The following ZFHX3 variants were observed in gnomAD, a reference collection of about 807,000 sequenced individuals.
The protein encoded by ZFHX3 is zinc finger homeobox protein 3.
Under a neutral mutation model 279.1 loss-of-function variants are expected in ZFHX3, and 42 were observed. That is an observed-to-expected ratio of 0.15 (90% CI 0.12 to 0.19). The LOEUF is 0.19. Ranked by LOEUF, ZFHX3 falls within the 10% of genes least tolerant of loss-of-function variation. The pLI is 1.00. For missense variants in ZFHX3, 4,981 were observed against 4,754.0 expected (o/e 1.05, Z -1.40); for synonymous variants, 2,293 against 1,957.8 (o/e 1.17, Z -4.52).
chr16:73,345,010 T>A (rs2016098420), intron 3 of ZFHX3, among the ~76,000 whole-genome samples: 2 of 152,156 alleles, frequency 1.3e-5, no homozygotes, highest in Non-Finnish European at 2.9e-5. Flanking sequence ...CTGCACCAAC[T>A]TGCCCTGTAT....
chr16:73,752,429 G>A (rs1483254749), intron 1 of ZFHX3, among the ~76,000 whole-genome samples: 3 of 152,102 alleles, frequency 2.0e-5, no homozygotes, highest in African/African-American at 7.2e-5. Context: ...TTCAGACATG[G>A]CTGCACTGAG....
chr16:73,112,395 A>G (rs1340668489), intron 7 of ZFHX3, among the ~76,000 whole-genome samples: 1 of 151,954 alleles, frequency 6.6e-6, no homozygotes, highest in Non-Finnish European at 1.5e-5. Context: ...GATGACAACA[A>G]AGCCAGGCAG....
intron 3 of ZFHX3, among the ~76,000 whole-genome samples, chr16:73,431,196 T>TA (rs888412620): frequency 1.3e-5 from 2 of 152,010 alleles, no homozygotes; most frequent in Non-Finnish European, 2.9e-5. Context: ...GGGATACTCT[T>TA]AAAAATAAAG....
intron 3 of ZFHX3, among the ~76,000 whole-genome samples, chr16:72,920,068 C>T (rs1054449720): frequency 6.6e-6 from 1 of 151,882 alleles, no homozygotes; most frequent in African/African-American, 2.4e-5. Flanking sequence ...GCTGGGATTA[C>T]AGGCATGAGC....
chr16:73,774,849 G>A (rs979401198), intron 1 of ZFHX3, among the ~76,000 whole-genome samples: 3 of 152,118 alleles, frequency 2.0e-5, no homozygotes, highest in African/African-American at 4.8e-5. Flanking sequence ...GACTTATTTC[G>A]AGACCTGAAC....
In ZFHX3 at chr16:72,793,010, T is replaced by C. The variant is rs1409815424; in HGVS notation, c.9427+245A>G. Among the ~76,000 whole-genome samples, 1 of 152,242 alleles carries C rather than the reference T, an allele frequency of 6.6e-6. No homozygotes were observed. The highest frequency in any genetic ancestry group is 2.1e-4 in the South Asian group (1 of 4,832). On this transcript the variant is annotated intron_variant, in intron 9 of 9. Coordinates refer to ENST00000268489, the MANE Select transcript of ZFHX3 (RefSeq NM_006885.4). The surrounding 1 kb of genome is among the most constrained non-coding windows in gnomAD (Gnocchi z 4.3). ...ATTAGTATGCCAGGACCCTCAAGTT[T>C]TTCCCTATTATAGGGGATAAGAGTG...
chr16:73,258,401 G>A (rs932077131), intron 4 of ZFHX3, among the ~76,000 whole-genome samples: 2 of 151,460 alleles, frequency 1.3e-5, no homozygotes, highest in Admixed American at 6.6e-5. Context: ...CCAGGTTGGA[G>A]TGCAGTGGTG....
intron 5 of ZFHX3, among the ~76,000 whole-genome samples, chr16:73,233,599 C>T (rs925684314): frequency 6.6e-6 from 1 of 152,202 alleles, no homozygotes; most frequent in African/African-American, 2.4e-5. Context: ...TTTGGACAGC[C>T]ATGGGGGTGC....
intron 5 of ZFHX3, among the ~76,000 whole-genome samples, chr16:73,236,417 G>A (rs2012951092): frequency 6.6e-6 from 1 of 152,178 alleles, no homozygotes; most frequent in East Asian, 1.9e-4. Flanking sequence ...GGCCAACACA[G>A]AGAAACCCCA....
chr16:73,886,167 A>G (rs2030338571), intron 1 of ZFHX3, among the ~76,000 whole-genome samples: 1 of 152,236 alleles, frequency 6.6e-6, no homozygotes, highest in Admixed American at 6.5e-5. Flanking sequence ...GAAGTTACAG[A>G]TTGAAACCTA....
chr16:73,186,144 A>G (rs1006095896), intron 5 of ZFHX3, among the ~76,000 whole-genome samples: 17 of 152,126 alleles, frequency 1.1e-4, no homozygotes, highest in African/African-American at 3.9e-4. Flanking sequence ...CTGATTCTAC[A>G]TGATAGTAAG....
chr16:73,717,079 C>G (rs1051117615), intron 1 of ZFHX3, among the ~76,000 whole-genome samples: 4 of 152,212 alleles, frequency 2.6e-5, no homozygotes, highest in Non-Finnish European at 5.9e-5. Context: ...TGCAGTATCT[C>G]AAGAAGAAAA....
intron 8 of ZFHX3, among the ~76,000 whole-genome samples, chr16:73,089,314 G>A (rs1314560303): frequency 6.6e-6 from 1 of 152,132 alleles, no homozygotes; most frequent in African/African-American, 2.4e-5. Context: ...CTGTTGGCCA[G>A]GCTGGCCTCA....
intron 1 of ZFHX3, among the ~76,000 whole-genome samples, chr16:73,037,030 TAA>T (rs147301521): frequency 0.022 from 3,331 of 152,050 alleles, 70 homozygotes; most frequent in Non-Finnish European, 0.03. Flanking sequence ...GCTGCGCAAA[TAA>T]AAGACCCTCA....
At chr16:73,422,469 C>A (rs975192203) in intron 3 of ZFHX3, among the ~76,000 whole-genome samples, 2 of 152,198 alleles carry the variant, frequency 1.3e-5, no homozygotes, top group Non-Finnish European at 2.9e-5. Flanking sequence ...GTGACTGGCA[C>A]ACAGAAAATG....
intron 5 of ZFHX3, among the ~76,000 whole-genome samples, chr16:73,193,229 C>T (rs1487740549): frequency 2.6e-5 from 4 of 152,188 alleles, no homozygotes; most frequent in Admixed American, 2.6e-4. Flanking sequence ...GGGTCCTATT[C>T]ACAGCTCTGC....
intron 5 of ZFHX3, among the ~76,000 whole-genome samples, chr16:73,217,698 T>TAATAATAA (rs2012264616): frequency 6.6e-6 from 1 of 152,120 alleles, no homozygotes; most frequent in African/African-American, 2.4e-5. Flanking sequence ...ATACATAATA[T>TAATAATAA]TATTGGGCTT....
At chr16:72,842,081 A>C (rs560652450) in intron 4 of ZFHX3, among the ~76,000 whole-genome samples, 8 of 152,364 alleles carry the variant, frequency 5.3e-5, no homozygotes, top group Middle Eastern at 3.4e-3. Flanking sequence ...CATTTTAAAG[A>C]AATAATCTGG....
At chr16:73,405,105 G>A (rs1361635875) in intron 3 of ZFHX3, among the ~76,000 whole-genome samples, 1 of 152,100 alleles carries the variant, frequency 6.6e-6, no homozygotes, top group Non-Finnish European at 1.5e-5. Context: ...AGATAACTCA[G>A]GAAGGAAACT....
Sources: gnomAD v4.1 joint callset for allele counts (sites outside exome capture counted in the v4.1 genomes callset) on GRCh38, gnomAD v4.1.1 for gene constraint, Gnocchi (gnomAD v3.1) non-coding constraint, MANE v1.5 for transcripts, NCBI Gene and HGNC (gene_info 2026-07-23, HGNC 2026-07-21) for gene names.